The following AP1S2 variants were observed in gnomAD, a reference collection of about 807,000 sequenced individuals.
AP1S2 encodes the protein AP-1 complex subunit sigma-2.
AP1S2 carries 1 observed loss-of-function variant against 14.3 expected under a neutral mutation model. The observed-to-expected ratio is 0.07, with a 90% CI of 0.02 to 0.33. The LOEUF (loss-of-function observed/expected upper bound fraction) is 0.33. Ranked by LOEUF, AP1S2 falls within the 10% of genes least tolerant of loss-of-function variation. AP1S2 has a pLI of 0.99. For synonymous variants in AP1S2, 30 were observed against 40.5 expected, an observed-to-expected ratio of 0.74 and a Z score of 0.99; for missense variants, 30 against 117.7, an observed-to-expected ratio of 0.25 and a Z score of 3.45.
chrX:15,837,053 G>A (rs2147306846), intron 4 of AP1S2, among the ~76,000 whole-genome samples: 1 of 111,708 alleles, frequency 9.0e-6, no homozygotes, highest in Admixed American at 9.5e-5. Context: ...GTGTGCCACT[G>A]TGCCCAGCTA....
At chrX:15,836,043 C>T (rs1428818629) in intron 4 of AP1S2, among the ~76,000 whole-genome samples, 2 of 111,473 alleles carry the variant, frequency 1.8e-5, no homozygotes, top group African/African-American at 3.3e-5. Context: ...AAATCGATCT[C>T]ATTTCTTTTA....
intron 4 of AP1S2, among the ~76,000 whole-genome samples, chrX:15,843,100 G>A (rs1320733665): frequency 9.0e-6 from 1 of 110,635 alleles, no homozygotes; most frequent in Admixed American, 9.6e-5. Context: ...TACTCCCATA[G>A]GGGAATATAT....
At chrX:15,841,577 A>T (rs1156991758) in intron 4 of AP1S2, among the ~76,000 whole-genome samples, 1 of 112,231 alleles carries the variant, frequency 8.9e-6, no homozygotes, top group Non-Finnish European at 1.9e-5. Context: ...CTATAAGACC[A>T]AAAAAGTTAT....
At chrX:15,837,196 A>C (rs1237852642) in intron 4 of AP1S2, among the ~76,000 whole-genome samples, 2 of 112,243 alleles carry the variant, frequency 1.8e-5, no homozygotes, top group Non-Finnish European at 3.8e-5. Flanking sequence ...AGAATTTCAA[A>C]TACTCAAATG....
chrX:15,829,146 A>C (rs1933350255), intron 4 of AP1S2, among the ~76,000 whole-genome samples: 1 of 111,063 alleles, frequency 9.0e-6, no homozygotes, highest in Admixed American at 9.6e-5. Flanking sequence ...AGGGTTCTTT[A>C]TACTATTTCC....
chrX:15,852,690 C>A (rs1431817042), intron 1 of AP1S2, among the ~76,000 whole-genome samples, 166 bp from the exon 2 acceptor site: 2 of 112,139 alleles, frequency 1.8e-5, no homozygotes, highest in Admixed American at 1.9e-4. Flanking sequence ...TTCTTTTGGA[C>A]AGATCTTCCT....
chrX:15,834,578 C>A (rs1356064312), intron 4 of AP1S2, among the ~76,000 whole-genome samples: 1 of 94,667 alleles, frequency 1.1e-5, no homozygotes, highest in Non-Finnish European at 2.1e-5. Context: ...CGGGTTCAAG[C>A]GATTCTCCTG....
intron 4 of AP1S2, among the ~76,000 whole-genome samples, chrX:15,829,483 T>C (rs930161982): frequency 9.0e-6 from 1 of 111,709 alleles, no homozygotes; most frequent in African/African-American, 3.2e-5. Context: ...GGTCAGACTT[T>C]TCCCCATGTG....
chrX:15,854,289 C>T (rs1175760232), intron 1 of AP1S2, among the ~76,000 whole-genome samples: 1 of 111,861 alleles, frequency 8.9e-6, no homozygotes, highest in Non-Finnish European at 1.9e-5. Flanking sequence ...CCCGTGGCCA[C>T]ACTCCATCAC....
chrX:15,841,984 A>G (rs1170098694), intron 4 of AP1S2, among the ~76,000 whole-genome samples: 1 of 111,661 alleles, frequency 9.0e-6, no homozygotes, highest in Admixed American at 9.5e-5. Context: ...CAGTCATGGA[A>G]CCTCACTGAG....
intron 4 of AP1S2, chrX:15,830,061 C>T: frequency 4.1e-6 from 3 of 739,113 alleles, no homozygotes; most frequent in Non-Finnish European, 4.8e-6. Context: ...AGACGAAGTA[C>T]ATGCAATACT....
intron 1 of AP1S2, 78 bp from the exon 2 acceptor site, chrX:15,852,602 G>A: frequency 1.1e-6 from 1 of 950,782 alleles, no homozygotes. Flanking sequence ...TCACAGAGAA[G>A]TTTTGGGGGA....
chrX:15,836,041 C>T (rs1297822617), intron 4 of AP1S2, among the ~76,000 whole-genome samples: 2 of 111,353 alleles, frequency 1.8e-5, no homozygotes, highest in African/African-American at 3.3e-5. Flanking sequence ...AAAAATCGAT[C>T]TCATTTCTTT....
rs368156550 is a variant in AP1S2, at chrX:15,841,708, A to G, written c.426+3671T>C. On this transcript the variant is annotated intron_variant, in intron 4 of 5. Coordinates refer to ENST00000672987, the MANE Select transcript of AP1S2 (RefSeq NM_001272071.2). ...TCTGGACAATAAAAATTTGCAGTCT[A>G]AGAAGTCAAAGATGGCACTGTCTTA... 4.4e-5 allele frequency among the ~76,000 whole-genome samples: 5 copies of G among 112,371 alleles called. No homozygotes were observed. The South Asian group carries it at 1.8e-3, about 41-fold the overall frequency.
intron 4 of AP1S2, among the ~76,000 whole-genome samples, chrX:15,843,782 G>A (rs753697865): frequency 9.0e-6 from 1 of 111,674 alleles, no homozygotes; most frequent in Admixed American, 9.5e-5. Context: ...TCCTGGTTTT[G>A]ACCTAATTTT....
intron 4 of AP1S2, among the ~76,000 whole-genome samples, chrX:15,834,478 A>G (rs1163687766): frequency 3.9e-5 from 1 of 25,440 alleles, no homozygotes; most frequent in Non-Finnish European, 5.8e-5. Context: ...ATATATATAT[A>G]TAATTTTTTT....
At chrX:15,842,904 T>C (rs1251267413) in intron 4 of AP1S2, among the ~76,000 whole-genome samples, 2 of 109,679 alleles carry the variant, frequency 1.8e-5, no homozygotes, top group African/African-American at 6.7e-5. Flanking sequence ...TGTGCACCTG[T>C]AGTCCCAGCT....
chrX:15,838,885 C>A (rs1394810326), intron 4 of AP1S2, among the ~76,000 whole-genome samples: 3 of 110,699 alleles, frequency 2.7e-5, no homozygotes, highest in African/African-American at 9.9e-5. Flanking sequence ...GTATCTGGGA[C>A]TACAGGTGTG....
intron 4 of AP1S2, among the ~76,000 whole-genome samples, chrX:15,836,607 G>A (rs1933647103): frequency 2.7e-5 from 3 of 112,646 alleles, no homozygotes; most frequent in South Asian, 7.2e-4. Flanking sequence ...GAGGCCAGGT[G>A]CAGTGGCTCA....
Sources: gnomAD v4.1 joint callset for allele counts (sites outside exome capture counted in the v4.1 genomes callset) on GRCh38, gnomAD v4.1.1 for gene constraint, MANE v1.5 for transcripts, NCBI Gene and HGNC (gene_info 2026-07-23, HGNC 2026-07-21) for gene names.